LRRC53: variants seen among roughly 807,000 people sequenced by gnomAD.
LRRC53 encodes leucine-rich repeat-containing protein 53.
Under a neutral mutation model 13.6 loss-of-function variants are expected in LRRC53, and 25 were observed. The observed-to-expected ratio is 1.83, with a 90% CI of 1.34 to 2.56. LRRC53 has a LOEUF of 2.56. LRRC53 is among the 30% of genes most tolerant of loss of function. The pLI, the probability that LRRC53 is intolerant of heterozygous loss-of-function variation, is 0.00. For synonymous variants in LRRC53, 204 were observed against 109.8 expected (o/e 1.86, Z -5.37); for missense variants, 527 against 275.8 (o/e 1.91, Z -6.45).
At position 74,470,817 on chromosome 1, in the gene LRRC53, G is replaced by T. The variant is rs1157221184; in HGVS notation, c.2805C>A (p.His935Gln). The T allele has an allele frequency of 2.5e-6, 1 of 400,504 alleles. No homozygotes were observed. The highest frequency in any genetic ancestry group is 2.1e-5 in the African/African-American group (1 of 48,668). The allele number at this position is 400,504 out of a possible 1,614,324, so 24.8% of individuals were successfully genotyped here. A position where few individuals can be genotyped will look rare whatever the true frequency, so the allele number is the denominator to read the frequency against. The change falls in exon 5 of 5, where the codon CAC (histidine) becomes CAA (glutamine). Residue 935 changes from histidine (H) to glutamine (Q), a missense_variant. His to Gln is a conservative substitution (Grantham distance 24, BLOSUM62 0). Transcript: ENST00000294635. ...PRNQTQLLDA[H>Q]KTDSYNKEYT... Reference sequence around the variant, plus strand: ...ATTCCTTGTTGTAGCTGTCAGTCTTGTGAGCATCTAAAAGTTGTGTTTGAT... The same window carrying T: ...ATTCCTTGTTGTAGCTGTCAGTCTTTTGAGCATCTAAAAGTTGTGTTTGAT...
chr1:74,479,392 G>T (rs1236491251), intron 3 of LRRC53, among the ~76,000 whole-genome samples: 6 of 152,158 alleles, frequency 3.9e-5, no homozygotes, highest in Non-Finnish European at 7.3e-5. Flanking sequence ...ATAAAGAATT[G>T]CATATTATCC....
At chr1:74,496,615 T>C (rs1353284707) in intron 1 of LRRC53, among the ~76,000 whole-genome samples, 4 of 152,278 alleles carry the variant, frequency 2.6e-5, no homozygotes, top group African/African-American at 9.6e-5. Context: ...TTTCTAATTA[T>C]TATTATTCTT....
intron 3 of LRRC53, among the ~76,000 whole-genome samples, chr1:74,477,346 T>G (rs1184717990): frequency 6.6e-6 from 1 of 152,152 alleles, no homozygotes; most frequent in African/African-American, 2.4e-5. Flanking sequence ...ATAATATATG[T>G]GACATGTTTA....
At chr1:74,476,025 A>C (rs1668189198) in intron 3 of LRRC53, among the ~76,000 whole-genome samples, 2 of 152,182 alleles carry the variant, frequency 1.3e-5, no homozygotes, top group African/African-American at 4.8e-5. Context: ...ATTAAAAATT[A>C]TAAGAAACAA....
rs1026940008 is a variant in LRRC53, at chr1:74,480,498, C to T, written c.559G>A (p.Asp187Asn). ...FRPLPQLQEVDLSRNRLAHMP... is the reference protein window; with the variant it reads ...FRPLPQLQEVNLSRNRLAHMP... ...TGGGCTAACCTATTTCGGGAAAGGTCCACTTCCTGTAGTTGAGGCAGGGGC... is the reference window on the plus strand; with the variant it reads ...TGGGCTAACCTATTTCGGGAAAGGTTCACTTCCTGTAGTTGAGGCAGGGGC... The change falls in exon 3 of 5, where the codon GAC (aspartate) becomes AAC (asparagine). Residue 187 changes from aspartate (D) to asparagine (N), a missense_variant. Transcript: ENST00000294635. 53 of 717,348 alleles carry T rather than the reference C, an allele frequency of 7.4e-5. No individual in the cohort carries two copies. The highest frequency in any genetic ancestry group is 1.4e-4 in the Non-Finnish European group (52 of 385,088). 44.4% of individuals were successfully genotyped at this position (717,348 alleles called of 1,614,324 possible). A position where few individuals can be genotyped will look rare whatever the true frequency, so the allele number is the denominator to read the frequency against.
intron 1 of LRRC53, among the ~76,000 whole-genome samples, chr1:74,500,717 T>G (rs1669580727): frequency 1.3e-5 from 2 of 150,936 alleles, no homozygotes; most frequent in Admixed American, 6.6e-5. Flanking sequence ...TCTTCCCTCT[T>G]TTTTAAGATA....
intron 1 of LRRC53, among the ~76,000 whole-genome samples, chr1:74,504,321 C>T (rs925532108): frequency 6.6e-6 from 1 of 152,158 alleles, no homozygotes; most frequent in Admixed American, 6.5e-5. Flanking sequence ...TGCTCTCTAA[C>T]GCCATCTAGC....
intron 1 of LRRC53, chr1:74,489,084 T>C: frequency 1.2e-6 from 1 of 868,812 alleles, no homozygotes; most frequent in Non-Finnish European, 1.8e-6. Context: ...ATATACTTTA[T>C]TGTTAATCTC....
the LRRC53 span, among the ~76,000 whole-genome samples, chr1:74,534,011 T>A: frequency 1.3e-5 from 2 of 152,174 alleles, no homozygotes; most frequent in Non-Finnish European, 2.9e-5. Context: ...GAGCCTGACT[T>A]TGCATCCCCA....
chr1:74,475,114 G>GCC lies in LRRC53; in HGVS notation c.1420+179_1420+180dup, dbSNP rs1553150553. 2.5e-3 allele frequency among the ~76,000 whole-genome samples: 178 copies of GCC among 72,308 alleles called. 1 individual carries two copies. Among genetic ancestry groups the GCC allele is most frequent in the African/African-American group, 9.8e-3 (169 of 17,244 alleles). The allele number at this position is 72,308 out of a possible 152,430, so 47.4% of individuals were successfully genotyped here. On this transcript the variant is annotated intron_variant, in intron 4 of 4. Coordinates refer to ENST00000294635, the MANE Select transcript of LRRC53 (RefSeq NM_001382280.1). ...GTAAGAACACTTCATCTCCACCTCAGCCCACACACACACACACACACACAC... is the reference window on the plus strand; with the variant it reads ...GTAAGAACACTTCATCTCCACCTCAGCCCCCACACACACACACACACACACAC...
chr1:74,502,705 C>T (rs1227989335), intron 1 of LRRC53, among the ~76,000 whole-genome samples: 1 of 152,220 alleles, frequency 6.6e-6, no homozygotes, highest in Non-Finnish European at 1.5e-5. Context: ...AATTTCCCTT[C>T]TCACTCTAAC....
intron 1 of LRRC53, among the ~76,000 whole-genome samples, chr1:74,490,871 G>A (rs1245334572): frequency 1.3e-5 from 2 of 152,168 alleles, no homozygotes; most frequent in Non-Finnish European, 2.9e-5. Context: ...TAAATATAAT[G>A]TCCTGCAGCA....
At chr1:74,530,632 C>A in the LRRC53 span, among the ~76,000 whole-genome samples, 3 of 152,082 alleles carry the variant, frequency 2.0e-5, no homozygotes, top group Admixed American at 1.3e-4. Flanking sequence ...ATTCTCAAGG[C>A]CTCAGTTTCC....
At chr1:74,508,339 G>A (rs191291564) in intron 1 of LRRC53, among the ~76,000 whole-genome samples, 1 of 152,308 alleles carries the variant, frequency 6.6e-6, no homozygotes, top group East Asian at 1.9e-4. Context: ...TTTTGTACCA[G>A]ATAACAGGCT....
the LRRC53 span, among the ~76,000 whole-genome samples, chr1:74,530,289 A>G: frequency 6.6e-6 from 1 of 152,210 alleles, no homozygotes; most frequent in South Asian, 2.1e-4. Context: ...TTTGAGAATC[A>G]CTTCTAGAGC....
chr1:74,520,135 C>A, the LRRC53 span, among the ~76,000 whole-genome samples: 1 of 140,554 alleles, frequency 7.1e-6, no homozygotes, highest in African/African-American at 2.7e-5. Flanking sequence ...AATTTGTAGT[C>A]TTTTATCCCA....
At chr1:74,496,227 G>A (rs1031780884) in intron 1 of LRRC53, among the ~76,000 whole-genome samples, 3 of 152,142 alleles carry the variant, frequency 2.0e-5, no homozygotes, top group African/African-American at 7.2e-5. Context: ...AGAAGGGGAT[G>A]CAGCTAATGA....
upstream of LRRC53, among the ~76,000 whole-genome samples, chr1:74,515,642 A>T (rs907996354): frequency 1.3e-5 from 2 of 152,184 alleles, no homozygotes; most frequent in African/African-American, 2.4e-5. Flanking sequence ...CATCCGATGT[A>T]GTCAAACTAA....
At chr1:74,516,297 T>A (rs142694170), upstream of LRRC53, among the ~76,000 whole-genome samples, 712 of 152,292 alleles carry the variant, frequency 4.7e-3, 4 homozygotes, top group Admixed American at 7.9e-3. Context: ...TCAATCACTA[T>A]TTACTTGGAT....
Sources: gnomAD v4.1 joint callset for allele counts (sites outside exome capture counted in the v4.1 genomes callset) on GRCh38, gnomAD v4.1.1 for gene constraint, MANE v1.5 for transcripts, NCBI Gene and HGNC (gene_info 2026-07-23, HGNC 2026-07-21) for gene names.